The following AGTPBP1 variants were observed in gnomAD, a reference collection of about 807,000 sequenced individuals.
AGTPBP1 encodes the protein cytosolic carboxypeptidase 1.
A neutral mutation model predicts 143.9 loss-of-function variants in AGTPBP1; 70 were observed. The ratio of observed to expected loss-of-function variants is 0.49; its 90% CI spans 0.40 to 0.59. AGTPBP1 has a LOEUF of 0.59. AGTPBP1 is among the 20% of genes least tolerant of loss of function. The pLI is 0.00. For missense variants in AGTPBP1, 1,229 were observed against 1,464.5 expected (o/e 0.84, Z 2.62); for synonymous variants, 463 against 500.2 (o/e 0.93, Z 0.99).
chr9:85,560,663 A>G (rs1213030211), intron 25 of AGTPBP1, among the ~76,000 whole-genome samples: 3 of 152,258 alleles, frequency 2.0e-5, no homozygotes, highest in Admixed American at 6.5e-5. Flanking sequence ...AATTACATTA[A>G]GTATTAAAAA....
intron 17 of AGTPBP1, among the ~76,000 whole-genome samples, chr9:85,611,992 A>G (rs1197411539): frequency 6.6e-6 from 1 of 152,074 alleles, no homozygotes; most frequent in Non-Finnish European, 1.5e-5. Flanking sequence ...ATATGAAATA[A>G]TAAGAAATCT....
At chr9:85,790,707 C>A in the AGTPBP1 span, among the ~76,000 whole-genome samples, 1 of 152,148 alleles carries the variant, frequency 6.6e-6, no homozygotes, top group African/African-American at 2.4e-5. Flanking sequence ...GTAATTTGAA[C>A]CCAAATATAT....
chr9:85,589,576 T>C lies in AGTPBP1; in HGVS notation c.2674A>G (p.Ile892Val), dbSNP rs1341417058. 6.2e-6 allele frequency: 10 copies of C among 1,613,426 alleles called. No individual in the cohort carries two copies. Among genetic ancestry groups the C allele is most frequent in the African/African-American group, 1.3e-5 (1 of 75,002 alleles). The change falls in exon 20 of 26, where the codon ATA becomes GTA. Residue 892 changes from isoleucine (I) to valine (V), a missense_variant. Ile to Val is a conservative substitution (Grantham distance 29, BLOSUM62 3). This residue lies in a region of AGTPBP1 where 486 missense variants were observed against 652.3 expected (regional missense o/e 0.75). Coordinates refer to ENST00000357081, the MANE Select transcript of AGTPBP1 (RefSeq NM_001330701.2). ...LSGNSCPLVT[I>V]TAMPESNYYE... Reference sequence around the variant, plus strand: ...TAATTAGACTCTGGCATTGCTGTTATAGTCACCAAGGGGCAGCTGTTTCCA... The same window carrying C: ...TAATTAGACTCTGGCATTGCTGTTACAGTCACCAAGGGGCAGCTGTTTCCA...
intron 17 of AGTPBP1, 145 bp downstream of exon 17, chr9:85,618,838 T>C: frequency 1.2e-6 from 1 of 853,888 alleles, no homozygotes; most frequent in Non-Finnish European, 1.7e-6. Context: ...CTATTTCAAA[T>C]GTTGCATAAT....
At chr9:85,738,468 C>T (rs1823974458) in intron 1 of AGTPBP1, among the ~76,000 whole-genome samples, 1 of 152,078 alleles carries the variant, frequency 6.6e-6, no homozygotes, top group Non-Finnish European at 1.5e-5. Context: ...ATTTTGTGTG[C>T]CCTGGAAACA....
At chr9:85,788,662 ATAGT>A in the AGTPBP1 span, among the ~76,000 whole-genome samples, 2 of 149,554 alleles carry the variant, frequency 1.3e-5, no homozygotes, top group African/African-American at 4.9e-5. Context: ...TTGTATATAT[ATAGT>A]ATTATATACT....
the AGTPBP1 span, among the ~76,000 whole-genome samples, chr9:85,750,867 G>A: frequency 9.2e-5 from 14 of 152,140 alleles, no homozygotes; most frequent in East Asian, 1.9e-4. Flanking sequence ...TAGGCATTCC[G>A]TCTAGCTTGC....
At chr9:85,675,800 C>T (rs111715368) in intron 6 of AGTPBP1, among the ~76,000 whole-genome samples, 6,946 of 152,130 alleles carry the variant, frequency 0.046, 538 homozygotes, top group African/African-American at 0.16. Flanking sequence ...CCAAGGTGGG[C>T]GGATCATGAG....
In AGTPBP1 at chr9:85,646,402, A is replaced by C. The variant is rs1832811306; in HGVS notation, c.1104T>G (p.Asp368Glu). ...SLPPEVDDVVDESDDNDDIDV... is the reference protein window; with the variant it reads ...SLPPEVDDVVEESDDNDDIDV... ...CAATATCATCGTTGTCATCACTTTC[A>C]TCTACTACGTCATCCACTATGATAC... is the stretch of plus-strand genomic sequence containing the variant. The change falls in exon 12 of 26, where the codon GAT (aspartate) becomes GAG (glutamate). Residue 368 changes from aspartate (D) to glutamate (E), a missense_variant. By Grantham distance (45) the Asp-to-Glu change is conservative. Transcript: ENST00000357081. 6.2e-7 allele frequency: 1 copy of C among 1,612,870 alleles called. No homozygotes were observed. Among genetic ancestry groups the C allele is most frequent in the Non-Finnish European group, 8.5e-7 (1 of 1,179,652 alleles).
intron 11 of AGTPBP1, among the ~76,000 whole-genome samples, chr9:85,649,212 T>C (rs10780734): frequency 0.24 from 37,174 of 152,068 alleles, 5,143 homozygotes; most frequent in East Asian, 0.53. Flanking sequence ...AGGACACTAG[T>C]TAGATAAATT....
At chr9:85,766,734 C>T in the AGTPBP1 span, among the ~76,000 whole-genome samples, 3 of 151,992 alleles carry the variant, frequency 2.0e-5, no homozygotes, top group African/African-American at 7.3e-5. Flanking sequence ...GCTCTTATCA[C>T]GATTTTAAAG....
the AGTPBP1 span, among the ~76,000 whole-genome samples, chr9:85,801,427 G>C: frequency 6.6e-6 from 1 of 151,588 alleles, no homozygotes; most frequent in Non-Finnish European, 1.5e-5. Flanking sequence ...ATGTAAAACA[G>C]GGTATCTAGC....
intron 1 of AGTPBP1, among the ~76,000 whole-genome samples, chr9:85,726,056 CAAAAAAAAAAAAA>C (rs948203314): frequency 4.4e-4 from 18 of 40,786 alleles, no homozygotes; most frequent in Admixed American, 2.7e-3. Context: ...GACTCCATCT[CAAAAAAAAAAAAA>C]AAAAAAAAAA....
At chr9:85,716,213 C>G (rs939816153) in intron 1 of AGTPBP1, among the ~76,000 whole-genome samples, 1 of 152,204 alleles carries the variant, frequency 6.6e-6, no homozygotes, top group Non-Finnish European at 1.5e-5. Flanking sequence ...GTCCTATCAG[C>G]AGCATTTGAT....
intron 1 of AGTPBP1, chr9:85,741,558 G>C (rs912555618): frequency 5.1e-6 from 5 of 985,330 alleles, no homozygotes; most frequent in African/African-American, 1.7e-5. Context: ...TCCAGACCCA[G>C]TCAAAGCCCC....
chr9:85,785,283 G>C, the AGTPBP1 span, among the ~76,000 whole-genome samples: 1 of 151,332 alleles, frequency 6.6e-6, no homozygotes, highest in African/African-American at 2.4e-5. Flanking sequence ...GCAGTAAGCC[G>C]AGATCACACC....
At chr9:85,797,006 C>T in the AGTPBP1 span, among the ~76,000 whole-genome samples, 16 of 152,062 alleles carry the variant, frequency 1.1e-4, no homozygotes, top group East Asian at 9.7e-4. Flanking sequence ...AGGATGGTCT[C>T]GATCTCCCGA....
chr9:85,622,644 C>G (rs1831011364), intron 14 of AGTPBP1, among the ~76,000 whole-genome samples: 1 of 151,956 alleles, frequency 6.6e-6, no homozygotes, highest in Admixed American at 6.5e-5. Context: ...AGTAGTCTAT[C>G]AGGAAAAAAA....
At chr9:85,654,629 G>T (rs987539851) in intron 11 of AGTPBP1, among the ~76,000 whole-genome samples, 1 of 152,094 alleles carries the variant, frequency 6.6e-6, no homozygotes, top group Non-Finnish European at 1.5e-5. Flanking sequence ...GATCACTTGA[G>T]GTCAGGAGTT....
Sources: allele counts gnomAD v4.1 joint callset (sites outside exome capture counted in the v4.1 genomes callset), GRCh38; gene constraint gnomAD v4.1.1; regional missense constraint gnomAD v4.1.1; transcripts MANE v1.5; gene names NCBI Gene and HGNC (gene_info 2026-07-23, HGNC 2026-07-21).